Variants in TENM3 observed in about 807,000 individuals in gnomAD.
The protein encoded by TENM3 is teneurin-3.
A neutral mutation model predicts 255.1 loss-of-function variants in TENM3; 63 were observed. That is an observed-to-expected ratio of 0.25 (90% CI 0.20 to 0.30). The LOEUF (loss-of-function observed/expected upper bound fraction) is 0.30, where lower values mean the gene tolerates loss of function less well. TENM3 is among the 10% of genes least tolerant of loss of function. The pLI is 1.00. For missense variants in TENM3, 2,929 were observed against 3,461.1 expected (o/e 0.85, Z 3.86); for synonymous variants, 1,306 against 1,322.3 (o/e 0.99, Z 0.27).
chr4:182,466,037 G>A (rs988168758), intron 3 of TENM3, among the ~76,000 whole-genome samples: 3 of 152,156 alleles, frequency 2.0e-5, no homozygotes, highest in Non-Finnish European at 4.4e-5. Context: ...TTATTAGGCT[G>A]TTAGGCTGAT....
chr4:182,314,300 CA>C (rs200624196), intron 1 of TENM3, among the ~76,000 whole-genome samples: 1,455 of 136,800 alleles, frequency 0.011, 24 homozygotes, highest in African/African-American at 0.033. Context: ...GACTCCGTCT[CA>C]AAAAAAAAAA....
the TENM3 span, among the ~76,000 whole-genome samples, chr4:181,923,781 A>T: frequency 6.6e-6 from 1 of 152,172 alleles, no homozygotes; most frequent in African/African-American, 2.4e-5. Flanking sequence ...AGATCAAAAG[A>T]TACCGCTTCC....
At chr4:181,935,883 G>A in the TENM3 span, among the ~76,000 whole-genome samples, 6 of 151,986 alleles carry the variant, frequency 3.9e-5, no homozygotes, top group Non-Finnish European at 7.3e-5. Context: ...CATTATAGTC[G>A]CTTTCCAGAT....
At chr4:181,995,392 A>G in the TENM3 span, among the ~76,000 whole-genome samples, 1 of 152,218 alleles carries the variant, frequency 6.6e-6, no homozygotes, top group Non-Finnish European at 1.5e-5. Context: ...ATTGTTCAAT[A>G]ACAATGGGGT....
At chr4:181,958,323 C>A in the TENM3 span, among the ~76,000 whole-genome samples, 3 of 152,170 alleles carry the variant, frequency 2.0e-5, no homozygotes, top group Non-Finnish European at 4.4e-5. Context: ...ATTTTCAGGT[C>A]TTTTTGTTTG....
chr4:182,365,294 T>C (rs1766352171), intron 3 of TENM3, among the ~76,000 whole-genome samples: 1 of 152,230 alleles, frequency 6.6e-6, no homozygotes, highest in Non-Finnish European at 1.5e-5. Flanking sequence ...AAGGCAGAGA[T>C]GGACTTCGAG....
chr4:182,126,519 A>G, the TENM3 span, among the ~76,000 whole-genome samples: 1 of 152,214 alleles, frequency 6.6e-6, no homozygotes, highest in Non-Finnish European at 1.5e-5. Context: ...GATGCTGCTT[A>G]CTGAAGAACT....
the TENM3 span, among the ~76,000 whole-genome samples, chr4:181,615,539 G>C: frequency 7.9e-5 from 12 of 152,100 alleles, no homozygotes; most frequent in South Asian, 8.3e-4. Context: ...CATTTAGAAG[G>C]CAAATGAATT....
the TENM3 span, among the ~76,000 whole-genome samples, chr4:181,923,652 A>G: frequency 2.6e-4 from 39 of 152,288 alleles, no homozygotes; most frequent in African/African-American, 9.1e-4. Context: ...TAAGGGCACA[A>G]TTTGAAAGTT....
the TENM3 span, among the ~76,000 whole-genome samples, chr4:181,918,308 CAGTT>C: frequency 7.9e-5 from 12 of 151,914 alleles, no homozygotes; most frequent in Non-Finnish European, 1.3e-4. Flanking sequence ...TTTTAGAAAA[CAGTT>C]GGAACAATTC....
chr4:182,645,090 T>G (rs559730265), intron 5 of TENM3, among the ~76,000 whole-genome samples: 1 of 151,978 alleles, frequency 6.6e-6, no homozygotes, highest in African/African-American at 2.4e-5. Flanking sequence ...CATAATTGTT[T>G]TGTTTTCTGG....
the TENM3 span, among the ~76,000 whole-genome samples, chr4:181,734,807 C>T: frequency 6.6e-6 from 1 of 152,086 alleles, no homozygotes; most frequent in Non-Finnish European, 1.5e-5. Context: ...CACAGAATAA[C>T]CAAAACCTCT....
chr4:182,472,209 C>T (rs1006069176), intron 3 of TENM3, among the ~76,000 whole-genome samples: 1 of 152,074 alleles, frequency 6.6e-6, no homozygotes, highest in African/African-American at 2.4e-5. Flanking sequence ...ATATTTCTTT[C>T]ATGATTAGCA....
chr4:182,161,340 C>T lies in TENM3; in HGVS notation c.-76+16586C>T, dbSNP rs1192637636. Among the ~76,000 whole-genome samples, 16 of 128,856 alleles carry T rather than the reference C, an allele frequency of 1.2e-4. 1 individual carries two copies. The highest frequency in any genetic ancestry group is 3.5e-4 in the African/African-American group (12 of 33,850). 84.5% of individuals were successfully genotyped at this position (128,856 alleles called of 152,430 possible). ...CTGAGGCAGGAGAATGGCGTGAACC[C>T]GGGAGGCGAAGCTTGCAGTGAGCCG... is the stretch of plus-strand genomic sequence containing the variant. On this transcript the variant is annotated intron_variant, in intron 1 of 2. Transcript: ENST00000512480.
intron 3 of TENM3, among the ~76,000 whole-genome samples, chr4:182,396,075 C>T (rs150754911): frequency 1.3e-5 from 2 of 152,072 alleles, no homozygotes; most frequent in African/African-American, 4.8e-5. Context: ...TTGAATTTTC[C>T]TCACTTTTTA....
At chr4:181,865,760 G>A in the TENM3 span, among the ~76,000 whole-genome samples, 90 of 152,126 alleles carry the variant, frequency 5.9e-4, no homozygotes, top group African/African-American at 2.1e-3. Context: ...GGTTTGTAGC[G>A]CTTTAGAAAT....
At chr4:181,670,654 G>C in the TENM3 span, among the ~76,000 whole-genome samples, 2 of 152,116 alleles carry the variant, frequency 1.3e-5, no homozygotes, top group African/African-American at 4.8e-5. Context: ...CAACACTGTA[G>C]GTATTACATC....
At chr4:182,146,907 G>A (rs980527387) in intron 1 of TENM3, among the ~76,000 whole-genome samples, 1 of 152,090 alleles carries the variant, frequency 6.6e-6, no homozygotes, top group Non-Finnish European at 1.5e-5. Flanking sequence ...GATGTTTTAG[G>A]TAAATTATTG....
the TENM3 span, among the ~76,000 whole-genome samples, chr4:181,840,545 C>A: frequency 6.6e-6 from 1 of 152,114 alleles, no homozygotes; most frequent in Non-Finnish European, 1.5e-5. Flanking sequence ...CAGTAGGCTG[C>A]AACTGTTGGT....
Sources: allele counts gnomAD v4.1 joint callset (sites outside exome capture counted in the v4.1 genomes callset), GRCh38; gene constraint gnomAD v4.1.1; transcripts MANE v1.5; gene names NCBI Gene and HGNC (gene_info 2026-07-23, HGNC 2026-07-21).